Variants in ATRNL1 observed in about 807,000 individuals in gnomAD.
The protein encoded by ATRNL1 is attractin like 1.
In ATRNL1, 95 loss-of-function variants were observed where a neutral mutation model predicts 182.7. That is an observed-to-expected ratio of 0.52 (90% CI 0.44 to 0.62). The LOEUF (loss-of-function observed/expected upper bound fraction) is 0.62, where lower values mean the gene tolerates loss of function less well. Among genes scored for constraint, ATRNL1 ranks in the 20% least tolerant of loss-of-function variants. ATRNL1 has a pLI of 0.00. For missense variants in ATRNL1, 1,471 were observed against 1,679.5 expected, an observed-to-expected ratio of 0.88 and a Z score of 2.17; for synonymous variants, 576 against 568.3, an observed-to-expected ratio of 1.01 and a Z score of -0.19.
chr10:115,817,208 G>A (rs148985835), intron 27 of ATRNL1, among the ~76,000 whole-genome samples: 53 of 151,904 alleles, frequency 3.5e-4, no homozygotes, highest in African/African-American at 1.3e-3. Flanking sequence ...TCTCGTGGTC[G>A]GATTTGAATG....
intron 20 of ATRNL1, among the ~76,000 whole-genome samples, chr10:115,405,847 C>T (rs1399591238): frequency 9.0e-6 from 1 of 111,590 alleles, no homozygotes; most frequent in Non-Finnish European, 1.7e-5. Context: ...CCCCCCTCCC[C>T]CCACCCCACA....
In ATRNL1 at chr10:115,248,710, T is replaced by A. The variant is rs374066585; in HGVS notation, c.1687+6985T>A. Among the ~76,000 whole-genome samples the A allele has an allele frequency of 8.0e-4, 121 of 152,030 alleles. 2 individuals are homozygous for A. In the South Asian group the frequency reaches 0.024, roughly 31 times the overall value. On this transcript the variant is annotated intron_variant, in intron 10 of 28. Transcript: ENST00000355044. ...AGTTTTTTTTTAAACTGAGAATGAG[T>A]TAACCTAGAGTAAATTGTGCTTATT...
intron 27 of ATRNL1, among the ~76,000 whole-genome samples, chr10:115,789,973 A>G (rs539331632): frequency 6.6e-6 from 1 of 152,362 alleles, no homozygotes; most frequent in African/African-American, 2.4e-5. Context: ...GGCATTAATT[A>G]TAGAAGAGAC....
chr10:115,426,809 C>T (rs1845922678), intron 21 of ATRNL1, among the ~76,000 whole-genome samples: 1 of 152,202 alleles, frequency 6.6e-6, no homozygotes. Context: ...ACTGCAACCC[C>T]TGCCTCCCAG....
chr10:115,841,190 C>G (rs1317747569), intron 27 of ATRNL1, among the ~76,000 whole-genome samples: 6 of 151,938 alleles, frequency 3.9e-5, no homozygotes, highest in African/African-American at 1.4e-4. Context: ...TATAATAGCT[C>G]AAGAAGAGGT....
At chr10:115,533,738 T>C (rs1851765858) in intron 25 of ATRNL1, among the ~76,000 whole-genome samples, 1 of 150,188 alleles carries the variant, frequency 6.7e-6, no homozygotes, top group Non-Finnish European at 1.5e-5. Flanking sequence ...CTTGTGGGCA[T>C]TTAGTGCTAT....
chr10:115,795,663 T>C (rs1296099661), intron 27 of ATRNL1, among the ~76,000 whole-genome samples: 2 of 152,250 alleles, frequency 1.3e-5, no homozygotes, highest in East Asian at 3.9e-4. Flanking sequence ...CATCATTACA[T>C]GGCTGGCAGG....
chr10:115,466,836 A>G (rs1209641741), intron 22 of ATRNL1, among the ~76,000 whole-genome samples: 1 of 151,212 alleles, frequency 6.6e-6, no homozygotes, highest in African/African-American at 2.4e-5. Flanking sequence ...ACCTAGCAAA[A>G]AGAATCAAAA....
intron 27 of ATRNL1, among the ~76,000 whole-genome samples, chr10:115,768,052 C>T (rs1593189915): frequency 1.3e-5 from 2 of 152,084 alleles, no homozygotes; most frequent in Non-Finnish European, 2.9e-5. Flanking sequence ...ACCCAATGCT[C>T]AATAATTGAT....
At chr10:115,461,792 G>A in intron 21 of ATRNL1, 149 bp from the exon 22 acceptor site, 1 of 421,346 alleles carries the variant, frequency 2.4e-6, no homozygotes, top group Non-Finnish European at 4.2e-6. Context: ...TGAGGACAAA[G>A]ATTTGTATTT....
intron 27 of ATRNL1, among the ~76,000 whole-genome samples, chr10:115,827,206 C>T (rs575157399): frequency 3.3e-5 from 5 of 152,176 alleles, no homozygotes; most frequent in African/African-American, 7.2e-5. Context: ...TCTGAAAGTC[C>T]GACAGCATTG....
chr10:115,402,332 G>T (rs1844605182), intron 20 of ATRNL1, among the ~76,000 whole-genome samples: 1 of 151,896 alleles, frequency 6.6e-6, no homozygotes, highest in Non-Finnish European at 1.5e-5. Context: ...GAATTACTTT[G>T]TATTTTTGTA....
intron 19 of ATRNL1, among the ~76,000 whole-genome samples, chr10:115,338,740 C>T (rs1189185067): frequency 6.6e-6 from 1 of 152,120 alleles, no homozygotes; most frequent in African/African-American, 2.4e-5. Context: ...GTTGTAATCC[C>T]ATTTGTCCGT....
intron 26 of ATRNL1, among the ~76,000 whole-genome samples, chr10:115,581,325 G>T (rs986695601): frequency 1.9e-4 from 29 of 152,056 alleles, no homozygotes; most frequent in African/African-American, 6.0e-4. Flanking sequence ...AGTCCCTTGA[G>T]ATGCATCTGG....
chr10:115,703,586 T>A (rs1946806428), intron 26 of ATRNL1, among the ~76,000 whole-genome samples: 1 of 151,738 alleles, frequency 6.6e-6, no homozygotes. Context: ...GTTTTTAGGT[T>A]GAGTGGTGAG....
rs868945066 is a variant in ATRNL1, at chr10:115,528,019, T to C, written c.3716+8695T>C. ...CTCCCTTCCTTCCTTCCTTCCTTCCTTCCTTCCCTCCTTCCTTTCTTCCTT... is the reference window on the plus strand; with the variant it reads ...CTCCCTTCCTTCCTTCCTTCCTTCCCTCCTTCCCTCCTTCCTTTCTTCCTT... On this transcript the variant is annotated intron_variant, in intron 25 of 28. Coordinates refer to ENST00000355044, the MANE Select transcript of ATRNL1 (RefSeq NM_207303.4). Among the ~76,000 whole-genome samples the C allele has an allele frequency of 4.2e-3, 248 of 58,794 alleles. 1 individual carries two copies. Among genetic ancestry groups the C allele is most frequent in the African/African-American group, 7.5e-3 (84 of 11,194 alleles). 38.6% of individuals were successfully genotyped at this position (58,794 alleles called of 152,430 possible).
chr10:115,408,514 G>GGATTGTCTTTTTACTCTGTT (rs1844973859), intron 20 of ATRNL1, among the ~76,000 whole-genome samples: 1 of 152,076 alleles, frequency 6.6e-6, no homozygotes, highest in African/African-American at 2.4e-5. Flanking sequence ...CCCATTCTGT[G>GGATTGTCTTTTTACTCTGTT]GATTGTCTTT....
intron 8 of ATRNL1, among the ~76,000 whole-genome samples, chr10:115,213,724 T>C (rs2144393847): frequency 6.6e-6 from 1 of 152,234 alleles, no homozygotes; most frequent in South Asian, 2.1e-4. Context: ...AATTTCCTAA[T>C]TTGTAAAGAA....
At chr10:115,895,440 T>A (rs1741833615) in intron 28 of ATRNL1, among the ~76,000 whole-genome samples, 1 of 152,256 alleles carries the variant, frequency 6.6e-6, no homozygotes, top group African/African-American at 2.4e-5. Context: ...GTGAATGCAT[T>A]ATTTCCAGCT....
Sources: allele counts gnomAD v4.1 joint callset (sites outside exome capture counted in the v4.1 genomes callset), GRCh38; gene constraint gnomAD v4.1.1; transcripts MANE v1.5; gene names NCBI Gene and HGNC (gene_info 2026-07-23, HGNC 2026-07-21).